SYNDIG1: variants seen among roughly 807,000 people sequenced by gnomAD.
SYNDIG1 encodes synapse differentiation inducing 1, also known as synapse differentiation-inducing gene protein 1.
SYNDIG1 carries 9 observed loss-of-function variants against 19.4 expected under a neutral mutation model. The ratio of observed to expected loss-of-function variants is 0.46; its 90% CI spans 0.28 to 0.81. The LOEUF (loss-of-function observed/expected upper bound fraction) is 0.81. Ranked by LOEUF, SYNDIG1 falls within the 30% of genes least tolerant of loss-of-function variation. The probability of loss-of-function intolerance (pLI) is 0.12; values close to 1 mark genes in which losing one functional copy is unlikely to be tolerated. For synonymous variants in SYNDIG1, 141 were observed against 145.9 expected (o/e 0.97, Z 0.24); for missense variants, 311 against 343.3 (o/e 0.91, Z 0.74).
intron 3 of SYNDIG1, among the ~76,000 whole-genome samples, chr20:24,647,302 T>C (rs1338860138): frequency 6.6e-6 from 1 of 152,138 alleles, no homozygotes; most frequent in Admixed American, 6.6e-5. Flanking sequence ...GGCAGCACTT[T>C]CTCAGTGGCT....
chr20:24,606,883 G>A (rs2058764295), intron 3 of SYNDIG1, among the ~76,000 whole-genome samples: 1 of 152,250 alleles, frequency 6.6e-6, no homozygotes, highest in South Asian at 2.1e-4. Context: ...AGAAGAAGCA[G>A]TGTTTGGAGG....
chr20:24,626,193 CGGGGCGGCTGGCCTGGCGGGGGCT>C (rs2059129602), intron 3 of SYNDIG1, among the ~76,000 whole-genome samples: 1 of 138,614 alleles, frequency 7.2e-6, no homozygotes, highest in Non-Finnish European at 1.5e-5. Context: ...CCCTCCCGGA[CGGGGCGGCTGGCCTGGCGGGGGCT>C]GACCCCCACC....
chr20:24,527,880 T>G (rs1172886235), intron 1 of SYNDIG1, among the ~76,000 whole-genome samples: 1 of 152,170 alleles, frequency 6.6e-6, no homozygotes, highest in Non-Finnish European at 1.5e-5. Context: ...GCCCTTCAGG[T>G]GATTCAAATG....
chr20:24,544,764 G>A (rs761980284), intron 2 of SYNDIG1, among the ~76,000 whole-genome samples: 2 of 152,198 alleles, frequency 1.3e-5, no homozygotes, highest in Non-Finnish European at 2.9e-5. Flanking sequence ...CTCCTGGGGT[G>A]TGAGGAGATT....
At chr20:24,581,047 G>C (rs1600676064) in intron 2 of SYNDIG1, among the ~76,000 whole-genome samples, 1 of 152,284 alleles carries the variant, frequency 6.6e-6, no homozygotes, top group East Asian at 1.9e-4. Context: ...TCAGAGTCCT[G>C]GCAGGGAGAG....
intron 3 of SYNDIG1, among the ~76,000 whole-genome samples, chr20:24,647,588 G>C (rs2059434082): frequency 6.6e-6 from 1 of 151,898 alleles, no homozygotes; most frequent in South Asian, 2.1e-4. Context: ...GAAATATCAG[G>C]ATAGCCCTGA....
At chr20:24,603,964 C>A (rs566376770) in intron 3 of SYNDIG1, among the ~76,000 whole-genome samples, 2 of 152,318 alleles carry the variant, frequency 1.3e-5, no homozygotes, top group African/African-American at 4.8e-5. Context: ...TGAACTGGGA[C>A]TTTCCCAAAC....
At chr20:24,527,709 G>A (rs2057157499) in intron 1 of SYNDIG1, among the ~76,000 whole-genome samples, 2 of 152,116 alleles carry the variant, frequency 1.3e-5, no homozygotes, top group South Asian at 4.2e-4. Context: ...AGTCGTCACT[G>A]AATTGGCTCT....
At chr20:24,502,531 C>T (rs1421829970) in intron 1 of SYNDIG1, among the ~76,000 whole-genome samples, 7 of 152,196 alleles carry the variant, frequency 4.6e-5, no homozygotes. Context: ...TCTCAGAATC[C>T]TCACCCTTGA....
In SYNDIG1 at chr20:24,655,775, CAA is replaced by C. The variant is rs11087474; in HGVS notation, c.619-9556_619-9555del. ...AGCAGAAATACATCTGTATACTCAT[CAA>C]AAAAAAAAAAAAAAGACTAGAATGT... is the stretch of plus-strand genomic sequence containing the variant. On this transcript the variant is annotated intron_variant, in intron 3 of 3. Transcript: ENST00000376862. Among the ~76,000 whole-genome samples, 319 of 132,502 alleles carry C rather than the reference CAA, an allele frequency of 2.4e-3. 1 individual carries two copies. Among genetic ancestry groups the C allele is most frequent in the Admixed American group, 7.8e-3 (105 of 13,484 alleles). 86.9% of individuals were successfully genotyped at this position (132,502 alleles called of 152,430 possible).
chr20:24,603,401 G>A (rs2058707762), intron 3 of SYNDIG1, among the ~76,000 whole-genome samples: 1 of 152,120 alleles, frequency 6.6e-6, no homozygotes, highest in Non-Finnish European at 1.5e-5. Context: ...GCAGGGAGGT[G>A]AGGGCTGGAG....
At chr20:24,577,068 T>C (rs1316066849) in intron 2 of SYNDIG1, among the ~76,000 whole-genome samples, 3 of 152,118 alleles carry the variant, frequency 2.0e-5, no homozygotes, top group Admixed American at 2.0e-4. Context: ...TATGACAGCA[T>C]ATACCCAAGA....
intron 2 of SYNDIG1, among the ~76,000 whole-genome samples, chr20:24,548,051 C>T (rs1000577327): frequency 6.6e-6 from 1 of 152,178 alleles, no homozygotes; most frequent in East Asian, 1.9e-4. Context: ...ATCGATGGAG[C>T]ACCTTTTCTG....
intron 3 of SYNDIG1, among the ~76,000 whole-genome samples, chr20:24,591,882 G>A (rs965801975): frequency 2.6e-5 from 4 of 152,202 alleles, no homozygotes; most frequent in African/African-American, 9.7e-5. Flanking sequence ...TACTGCCCAA[G>A]TGTTAGAGGA....
At chr20:24,573,927 G>T (rs1187135480) in intron 2 of SYNDIG1, among the ~76,000 whole-genome samples, 1 of 152,172 alleles carries the variant, frequency 6.6e-6, no homozygotes, top group Non-Finnish European at 1.5e-5. Context: ...ACACCCCTGG[G>T]CCTGAACTTT....
At position 24,543,354 on chromosome 20, in the gene SYNDIG1, G is replaced by A. The variant is rs143609255; in HGVS notation, c.257G>A (p.Arg86His). 8.5e-4 allele frequency: 1,366 copies of A among 1,613,528 alleles called. 5 individuals carry two copies. Among genetic ancestry groups the A allele is most frequent in the Middle Eastern group, 9.9e-4 (6 of 6,062 alleles). The change falls in exon 2 of 4, where the codon CGC (arginine) becomes CAC (histidine). Residue 86 changes from arginine (R) to histidine (H), a missense_variant. Transcript: ENST00000376862. ...PNTLQQSVES[R>H]YRPNIILYSE... ...ACCCTGCAGCAGTCAGTGGAGTCCCGCTACCGGCCCAACATCATCCTCTAT... is the reference window on the plus strand; with the variant it reads ...ACCCTGCAGCAGTCAGTGGAGTCCCACTACCGGCCCAACATCATCCTCTAT...
intron 1 of SYNDIG1, among the ~76,000 whole-genome samples, chr20:24,532,467 C>T (rs538240387): frequency 6.6e-6 from 1 of 152,222 alleles, no homozygotes; most frequent in South Asian, 2.1e-4. Context: ...GGGAAAGGAA[C>T]CACATCATGG....
At chr20:24,483,011 G>A (rs1266994537) in intron 1 of SYNDIG1, among the ~76,000 whole-genome samples, 1 of 152,144 alleles carries the variant, frequency 6.6e-6, no homozygotes, top group Non-Finnish European at 1.5e-5. Context: ...AATATGTGTT[G>A]TTTTTGCAAT....
chr20:24,620,507 C>T (rs1363043033), intron 3 of SYNDIG1, among the ~76,000 whole-genome samples: 1 of 152,222 alleles, frequency 6.6e-6, no homozygotes, highest in East Asian at 1.9e-4. Context: ...ATTTGAGCTT[C>T]CTCACAACAC....
Sources: allele counts gnomAD v4.1 joint callset (sites outside exome capture counted in the v4.1 genomes callset), GRCh38; gene constraint gnomAD v4.1.1; transcripts MANE v1.5; gene names NCBI Gene and HGNC (gene_info 2026-07-23, HGNC 2026-07-21).